The following EVC2 variants were observed in gnomAD, a reference collection of about 807,000 sequenced individuals.
EVC2 encodes limbin.
A neutral mutation model predicts 149.3 loss-of-function variants in EVC2; 148 were observed. The ratio of observed to expected loss-of-function variants is 0.99; its 90% CI spans 0.87 to 1.14. The LOEUF (loss-of-function observed/expected upper bound fraction) is 1.14, where lower values mean the gene tolerates loss of function less well. EVC2 is among the 50% of genes most tolerant of loss of function. EVC2 has a pLI of 0.00. For synonymous variants in EVC2, 776 were observed against 649.9 expected, an observed-to-expected ratio of 1.19 and a Z score of -2.95; for missense variants, 1,854 against 1,627.3, an observed-to-expected ratio of 1.14 and a Z score of -2.40.
At chr4:5,602,291 TAAA>T (rs571933194) in intron 16 of EVC2, among the ~76,000 whole-genome samples, 2 of 81,714 alleles carry the variant, frequency 2.4e-5, no homozygotes, top group Non-Finnish European at 4.7e-5. Flanking sequence ...CATTGCCTCT[TAAA>T]AAAAAAAAAA....
In EVC2 at chr4:5,679,881, C is replaced by T. The variant is rs1171753840; in HGVS notation, c.870+1379G>A. On this transcript the variant is annotated intron_variant, in intron 7 of 21. Transcript: ENST00000344408. This position sits in a 1 kb window ranked among gnomAD's most constrained non-coding sequence, Gnocchi z 5.1. The stretch of plus-strand genomic sequence containing the variant: ...GTAATAACACAGCTTAAAACACAAA[C>T]ACACTGTACAGCTATACAAAAATAG... Among the ~76,000 whole-genome samples the T allele has an allele frequency of 6.6e-6, 1 of 152,042 alleles. No individual in the cohort carries two copies. Among genetic ancestry groups the T allele is most frequent in the African/African-American group, 2.4e-5 (1 of 41,380 alleles).
intron 10 of EVC2, among the ~76,000 whole-genome samples, chr4:5,638,267 T>C (rs1717029211): frequency 6.6e-6 from 1 of 151,932 alleles, no homozygotes; most frequent in Admixed American, 6.6e-5. Flanking sequence ...CAAGCGCCTG[T>C]AATCCCAGCT....
intron 16 of EVC2, 106 bp from the exon 17 acceptor site, chr4:5,584,956 C>T: frequency 8.0e-7 from 1 of 1,254,450 alleles, no homozygotes; most frequent in Non-Finnish European, 1.1e-6. Context: ...TTCTGAGGAC[C>T]ACCAAAAGTT....
chr4:5,633,666 G>A lies in EVC2; in HGVS notation c.1471-1634C>T, dbSNP rs1386267156. Among the ~76,000 whole-genome samples the A allele has an allele frequency of 6.6e-6, 1 of 152,268 alleles. No individual in the cohort carries two copies. Among genetic ancestry groups the A allele is most frequent in the Non-Finnish European group, 1.5e-5 (1 of 68,050 alleles). ...ATAAAGGCCTGGCCTTGGGAAGCAG[G>A]CAGGTGTGGCATCATGCCATGGCTG... On this transcript the variant is annotated intron_variant, in intron 10 of 21. Coordinates refer to ENST00000344408, the MANE Select transcript of EVC2 (RefSeq NM_147127.5). This position sits in a 1 kb window ranked among gnomAD's most constrained non-coding sequence, Gnocchi z 4.4.
chr4:5,658,089 G>A (rs904500354), intron 9 of EVC2, among the ~76,000 whole-genome samples: 1 of 152,142 alleles, frequency 6.6e-6, no homozygotes, highest in Admixed American at 6.5e-5. Context: ...AGAGTTACCA[G>A]TGCACAGGGT....
intron 16 of EVC2, among the ~76,000 whole-genome samples, chr4:5,611,691 G>C (rs1714831487): frequency 6.6e-6 from 1 of 151,960 alleles, no homozygotes; most frequent in South Asian, 2.1e-4. Context: ...CAAAAACAAA[G>C]AGAAAAAAAC....
rs1222323549 is a variant in EVC2, at chr4:5,622,438, A to G, written c.2501+99T>C. 2 of 1,341,292 alleles carry G rather than the reference A, an allele frequency of 1.5e-6. No homozygotes were observed. The highest frequency in any genetic ancestry group is 2.1e-6 in the Non-Finnish European group (2 of 953,946). The allele number at this position is 1,341,292 out of a possible 1,614,324, so 83.1% of individuals were successfully genotyped here. The stretch of plus-strand genomic sequence containing the variant: ...CTGGTAATCTCATCTGTCTGGGGCC[A>G]GGTGTCTCATGCTTGGCCATCCCCA... On this transcript the variant is annotated intron_variant, in intron 14 of 21. Transcript: ENST00000344408. This position sits in a 1 kb window ranked among gnomAD's most constrained non-coding sequence, Gnocchi z 5.8.
chr4:5,601,167 C>CT (rs1255195144), intron 16 of EVC2, among the ~76,000 whole-genome samples: 1 of 152,166 alleles, frequency 6.6e-6, no homozygotes, highest in Non-Finnish European at 1.5e-5. Context: ...TCTACGGGCC[C>CT]TGGCTATAGG....
At chr4:5,565,693 T>C (rs887995405) in intron 20 of EVC2, among the ~76,000 whole-genome samples, 2 of 148,250 alleles carry the variant, frequency 1.3e-5, no homozygotes. Flanking sequence ...AAAAAAAGAA[T>C]AGAATCTTTA....
intron 7 of EVC2, among the ~76,000 whole-genome samples, chr4:5,680,504 T>C (rs1165068131): frequency 1.3e-5 from 2 of 152,158 alleles, no homozygotes; most frequent in Admixed American, 6.5e-5. Context: ...CACCAAAATG[T>C]CATTATGTGG....
intron 19 of EVC2, among the ~76,000 whole-genome samples, chr4:5,574,174 G>A (rs1057200124): frequency 2.6e-5 from 4 of 152,190 alleles, no homozygotes; most frequent in Non-Finnish European, 5.9e-5. Flanking sequence ...AAACCCGATC[G>A]GTAGCAGACA....
intron 9 of EVC2, among the ~76,000 whole-genome samples, chr4:5,650,671 A>AGC (rs1553843789): frequency 0.047 from 4,746 of 100,422 alleles, 243 homozygotes; most frequent in East Asian, 0.078. Context: ...AGAGAGAGAG[A>AGC]GCCATTTAAT....
At chr4:5,706,397 G>GATAC (rs1560243561) in intron 1 of EVC2, among the ~76,000 whole-genome samples, 5 of 38,498 alleles carry the variant, frequency 1.3e-4, no homozygotes, top group African/African-American at 4.1e-4. Context: ...TAGATACATA[G>GATAC]ATAGATAGAT....
In EVC2 at chr4:5,576,614, C is replaced by T. The variant is rs529149185; in HGVS notation, c.3058-160G>A. ...CACATGGTGCAATGTGAGTGCACCA[C>T]GATCTCTCACCCCTGTGTCACCTCC... On this transcript the variant is annotated intron_variant, in intron 17 of 21. Coordinates refer to ENST00000344408, the MANE Select transcript of EVC2 (RefSeq NM_147127.5). This position sits in a 1 kb window ranked among gnomAD's most constrained non-coding sequence, Gnocchi z 4.5. Among the ~76,000 whole-genome samples the T allele has an allele frequency of 1.1e-4, 17 of 152,312 alleles. No individual in the cohort carries two copies. The highest frequency in any genetic ancestry group is 6.5e-4 in the Admixed American group (10 of 15,302).
chr4:5,582,161 G>C (rs1157894422), intron 17 of EVC2, among the ~76,000 whole-genome samples: 1 of 152,208 alleles, frequency 6.6e-6, no homozygotes, highest in Non-Finnish European at 1.5e-5. Flanking sequence ...GTGGAGCTGT[G>C]ATAAGGGGGC....
intron 16 of EVC2, among the ~76,000 whole-genome samples, chr4:5,591,762 A>G (rs1245819038): frequency 6.6e-6 from 1 of 152,240 alleles, no homozygotes; most frequent in Non-Finnish European, 1.5e-5. Context: ...TCCTTTGTCT[A>G]GAAGAAATCC....
chr4:5,629,843 C>A (rs1265266104), intron 11 of EVC2, among the ~76,000 whole-genome samples: 5 of 152,170 alleles, frequency 3.3e-5, no homozygotes, highest in African/African-American at 1.2e-4. Flanking sequence ...TGATGGGAGC[C>A]CATGTTGTAA....
intron 16 of EVC2, among the ~76,000 whole-genome samples, chr4:5,600,784 T>C (rs192205586): frequency 1.3e-5 from 2 of 152,030 alleles, no homozygotes; most frequent in Admixed American, 1.3e-4. Context: ...AGGATAAACA[T>C]CTCATTAGGA....
rs1722753617 is a variant in EVC2 at position 5,573,561 on chromosome 4, C to T, written c.3360+1124G>A. Among the ~76,000 whole-genome samples the T allele has an allele frequency of 1.3e-5, 2 of 152,174 alleles. 1 individual carries two copies. The highest frequency in any genetic ancestry group is 4.1e-4 in the South Asian group (2 of 4,824). ...TTAAGTGAGCAGGAAACAGATTCTC[C>T]CCCTAAAGCTTCCGAAAGGCAGGCA... is the stretch of plus-strand genomic sequence containing the variant. On this transcript the variant is annotated intron_variant, in intron 19 of 21. Coordinates refer to ENST00000344408, the MANE Select transcript of EVC2 (RefSeq NM_147127.5).
Sources: allele counts gnomAD v4.1 joint callset (sites outside exome capture counted in the v4.1 genomes callset), GRCh38; gene constraint gnomAD v4.1.1; non-coding constraint Gnocchi (gnomAD v3.1); transcripts MANE v1.5; gene names NCBI Gene and HGNC (gene_info 2026-07-23, HGNC 2026-07-21).